The following INPP4B variants were observed in gnomAD, a reference collection of about 807,000 sequenced individuals.
INPP4B encodes inositol polyphosphate-4-phosphatase type II B, also known as inositol polyphosphate 4-phosphatase type II.
A neutral mutation model predicts 122.5 loss-of-function variants in INPP4B; 55 were observed. That is an observed-to-expected ratio of 0.45 (90% CI 0.36 to 0.56). The LOEUF is 0.56. Ranked by LOEUF, INPP4B falls within the 20% of genes least tolerant of loss-of-function variation. INPP4B has a pLI of 0.00. For missense variants in INPP4B, 1,000 were observed against 1,097.7 expected (o/e 0.91, Z 1.26); for synonymous variants, 403 against 388.7 (o/e 1.04, Z -0.43).
At position 142,272,704 on chromosome 4, in the gene INPP4B, T is replaced by C. The variant is rs1746466106; in HGVS notation, c.504-1930A>G. Among the ~76,000 whole-genome samples the C allele has an allele frequency of 2.0e-5, 3 of 152,004 alleles. No homozygotes were observed. In the South Asian group the frequency reaches 6.2e-4, roughly 32 times the overall value. ...TGACACAATAACTTGTCATAAGTCA[T>C]GGTGCAGCATGTTTCTGTATAATTC... On this transcript the variant is annotated intron_variant, in intron 9 of 25. Transcript: ENST00000262992.
chr4:142,087,322 A>G (rs1777342832), intron 23 of INPP4B, among the ~76,000 whole-genome samples: 1 of 152,244 alleles, frequency 6.6e-6, no homozygotes, highest in Non-Finnish European at 1.5e-5. Context: ...AAAGCAGGAA[A>G]TGACACTGGT....
chr4:142,596,993 C>T (rs1279172801), intron 2 of INPP4B, among the ~76,000 whole-genome samples: 1 of 152,210 alleles, frequency 6.6e-6, no homozygotes, highest in Non-Finnish European at 1.5e-5. Context: ...CTAGGCTCCA[C>T]AGCCACTGTT....
At chr4:142,071,987 G>T (rs894065350) in intron 25 of INPP4B, among the ~76,000 whole-genome samples, 4 of 152,226 alleles carry the variant, frequency 2.6e-5, no homozygotes, top group African/African-American at 9.6e-5. Context: ...CCATTACTGG[G>T]TATATACCCA....
intron 20 of INPP4B, among the ~76,000 whole-genome samples, chr4:142,122,757 T>C (rs527822782): frequency 6.6e-6 from 1 of 152,208 alleles, no homozygotes; most frequent in South Asian, 2.1e-4. Context: ...AAGAGTGAAA[T>C]TAAAAAGGTA....
chr4:142,680,174 T>C (rs1428001014), intron 2 of INPP4B, among the ~76,000 whole-genome samples: 1 of 151,878 alleles, frequency 6.6e-6, no homozygotes, highest in Non-Finnish European at 1.5e-5. Context: ...AGACTAATTT[T>C]AAAATGGCAT....
chr4:142,451,222 T>C (rs970050767), intron 3 of INPP4B, among the ~76,000 whole-genome samples: 2 of 150,868 alleles, frequency 1.3e-5, no homozygotes, highest in Non-Finnish European at 2.9e-5. Flanking sequence ...TGTTTGAACA[T>C]AGTTTCCCTT....
intron 25 of INPP4B, among the ~76,000 whole-genome samples, chr4:142,035,714 A>T (rs1743443505): frequency 6.6e-6 from 1 of 152,198 alleles, no homozygotes; most frequent in Admixed American, 6.5e-5. Context: ...ATTATACCAA[A>T]TCAATCATGC....
intron 18 of INPP4B, among the ~76,000 whole-genome samples, chr4:142,139,547 T>C (rs1428989458): frequency 6.6e-6 from 1 of 152,170 alleles, no homozygotes; most frequent in Non-Finnish European, 1.5e-5. Flanking sequence ...TCTCAAGTGA[T>C]CCACCTGCCT....
chr4:142,524,185 G>A (rs1257592051), intron 2 of INPP4B, among the ~76,000 whole-genome samples: 2 of 152,046 alleles, frequency 1.3e-5, no homozygotes, highest in Admixed American at 1.3e-4. Flanking sequence ...TAATGGGATG[G>A]CTGGGTCAAA....
At chr4:142,165,030 G>A (rs898792634) in intron 16 of INPP4B, among the ~76,000 whole-genome samples, 1 of 151,620 alleles carries the variant, frequency 6.6e-6, no homozygotes. Context: ...TTTCATTGGT[G>A]AGGTAATCCA....
intron 2 of INPP4B, among the ~76,000 whole-genome samples, chr4:142,614,774 TA>T (rs1457933343): frequency 6.6e-6 from 1 of 151,934 alleles, no homozygotes; most frequent in African/African-American, 2.4e-5. Flanking sequence ...AAGTAACCTA[TA>T]AACATATGGG....
At chr4:142,118,374 T>G (rs1446097190) in intron 21 of INPP4B, among the ~76,000 whole-genome samples, 1 of 149,274 alleles carries the variant, frequency 6.7e-6, no homozygotes, top group African/African-American at 2.6e-5. Context: ...GGAGGCATCA[T>G]GCTATCTGAC....
At chr4:142,223,264 T>G (rs2149730900) in intron 12 of INPP4B, among the ~76,000 whole-genome samples, 1 of 152,038 alleles carries the variant, frequency 6.6e-6, no homozygotes, top group South Asian at 2.1e-4. Flanking sequence ...GATCACTCAA[T>G]TACTATAGTA....
intron 3 of INPP4B, among the ~76,000 whole-genome samples, chr4:142,437,949 A>G (rs1810889455): frequency 6.6e-6 from 1 of 152,210 alleles, no homozygotes; most frequent in East Asian, 1.9e-4. Flanking sequence ...CCAGAGGTAC[A>G]AAGAGGAGCT....
At position 142,376,305 on chromosome 4, in the gene INPP4B, G is replaced by C. The variant is rs80006093; in HGVS notation, c.372+26633C>G. On this transcript the variant is annotated intron_variant, in intron 7 of 25. Coordinates refer to ENST00000262992, the MANE Select transcript of INPP4B (RefSeq NM_001101669.3). ...TCAGCATCCTGGGATAAGATCTCAT[G>C]ATGACCTGAAAACATGGCTTTGTTC... 2.6e-5 allele frequency among the ~76,000 whole-genome samples: 4 copies of C among 152,070 alleles called. No homozygotes were observed. In the East Asian group the frequency reaches 7.8e-4, roughly 30 times the overall value.
In INPP4B at chr4:142,544,121, TGTGTGTGTG is replaced by T. The variant is rs1208722841; in HGVS notation, c.-190-81404_-190-81396del. Among the ~76,000 whole-genome samples the T allele has an allele frequency of 4.5e-3, 22 of 4,872 alleles. 1 individual carries two copies. Among genetic ancestry groups the T allele is most frequent in the South Asian group, 0.14 (2 of 14 alleles). The allele number at this position is 4,872 out of a possible 152,430, so 3.2% of individuals were successfully genotyped here. A position where few individuals can be genotyped will look rare whatever the true frequency, so the allele number is the denominator to read the frequency against. ...AGTATAATGCACAAATACTGCATGG[TGTGTGTGTG>T]GTGTGTGTGTGTGTGTGTGTGTGTG... On this transcript the variant is annotated intron_variant, in intron 2 of 25. Coordinates refer to ENST00000262992, the MANE Select transcript of INPP4B (RefSeq NM_001101669.3).
chr4:142,090,965 C>A (rs967537357), intron 23 of INPP4B, among the ~76,000 whole-genome samples: 3 of 151,900 alleles, frequency 2.0e-5, no homozygotes, highest in African/African-American at 7.3e-5. Flanking sequence ...AAAACAACAG[C>A]AATAATATAG....
chr4:142,505,156 T>C (rs1013437884), intron 2 of INPP4B, among the ~76,000 whole-genome samples: 5 of 151,628 alleles, frequency 3.3e-5, no homozygotes, highest in African/African-American at 1.2e-4. Flanking sequence ...AGAGGATCCC[T>C]TGAGCCCAGG....
At chr4:142,153,928 G>C (rs533392248) in intron 17 of INPP4B, among the ~76,000 whole-genome samples, 57 of 152,284 alleles carry the variant, frequency 3.7e-4, no homozygotes, top group Middle Eastern at 3.4e-3. Flanking sequence ...TAATGGACCA[G>C]TCATGAACTT....
Sources: allele counts gnomAD v4.1 joint callset (sites outside exome capture counted in the v4.1 genomes callset), GRCh38; gene constraint gnomAD v4.1.1; transcripts MANE v1.5; gene names NCBI Gene and HGNC (gene_info 2026-07-23, HGNC 2026-07-21).